EVC: variants seen among roughly 807,000 people sequenced by gnomAD.
The protein encoded by EVC is EvC ciliary complex subunit 1, also known as evC complex member EVC.
In EVC, 116 loss-of-function variants were observed where a neutral mutation model predicts 118.9. The ratio of observed to expected loss-of-function variants is 0.98; its 90% CI spans 0.84 to 1.14. The LOEUF is 1.14. Ranked by LOEUF, EVC falls within the 50% of genes most tolerant of loss-of-function variation. The probability of loss-of-function intolerance (pLI) is 0.00; values close to 1 mark genes in which losing one functional copy is unlikely to be tolerated. For missense variants in EVC, 1,401 were observed against 1,246.4 expected, an observed-to-expected ratio of 1.12 and a Z score of -1.87; for synonymous variants, 619 against 534.7, an observed-to-expected ratio of 1.16 and a Z score of -2.18.
chr4:5,825,783 C>T, the EVC span: 1 of 868,124 alleles, frequency 1.2e-6, no homozygotes, highest in Non-Finnish European at 1.8e-6. This position sits in a 1 kb window ranked among gnomAD's most constrained non-coding sequence, Gnocchi z 4.4. Context: ...CATGCACACA[C>T]ACACACAACA....
At chr4:5,768,525 A>T (rs997729983) in intron 11 of EVC, among the ~76,000 whole-genome samples, 1 of 152,080 alleles carries the variant, frequency 6.6e-6, no homozygotes, top group African/African-American at 2.4e-5. Context: ...CACGTGGGTA[A>T]AGCATATAGA....
chr4:5,751,887 C>A (rs141358906), intron 8 of EVC, among the ~76,000 whole-genome samples: 4 of 152,274 alleles, frequency 2.6e-5, no homozygotes, highest in South Asian at 2.1e-4. Context: ...GCAGCCGGGA[C>A]CAGGCAGGTG....
In EVC at chr4:5,738,694, G is replaced by A. The variant is rs181012743; in HGVS notation, c.703-3022G>A. 1.3e-3 allele frequency among the ~76,000 whole-genome samples: 190 copies of A among 151,738 alleles called. 1 individual carries two copies. Among genetic ancestry groups the A allele is most frequent in the Admixed American group, 2.5e-3 (38 of 15,242 alleles). ...TGATTCTCCCGCCTCAGCCTCCCGA[G>A]CAGCTGGGACCACAGGCGCGCACCA... On this transcript the variant is annotated intron_variant, in intron 5 of 20. Transcript: ENST00000264956. The surrounding 1 kb of genome is among the most constrained non-coding windows in gnomAD (Gnocchi z 6.5).
intron 19 of EVC, 137 bp downstream of exon 19, chr4:5,809,748 C>A: frequency 1.2e-6 from 1 of 812,666 alleles, no homozygotes; most frequent in Non-Finnish European, 2.1e-6. Flanking sequence ...GTGACCTTGT[C>A]TGTAAATGAG....
At chr4:5,799,841 T>C (rs551395711) in intron 15 of EVC, among the ~76,000 whole-genome samples, 3 of 152,222 alleles carry the variant, frequency 2.0e-5, no homozygotes, top group Non-Finnish European at 4.4e-5. Flanking sequence ...CCTCAGATTA[T>C]CCAAACAATT....
intron 2 of EVC, 91 bp from the exon 3 acceptor site, chr4:5,729,216 A>G: frequency 8.5e-7 from 1 of 1,181,630 alleles, no homozygotes; most frequent in Non-Finnish European, 1.3e-6. Context: ...GGCTGCTATT[A>G]CAAATGGGAT....
In EVC at chr4:5,741,734, A is replaced by T. The variant is rs2152000498; in HGVS notation, c.721A>T (p.Lys241Ter). ...EKHMMFIQIFKMCLLDLLPKK... is the reference protein window; with the variant it reads ...EKHMMFIQIF The stretch of plus-strand genomic sequence containing the variant: ...GCAATAGATGTTTATTCAGATTTTT[A>T]AAATGTGCCTCCTTGACCTTCTTCC... The change falls in exon 6 of 21, where the codon AAA becomes TAA. Residue 241 changes from lysine to a stop codon, truncating the protein, a stop_gained. Coordinates refer to ENST00000264956, the MANE Select transcript of EVC (RefSeq NM_153717.3). LOFTEE classifies it high-confidence loss of function. 6.4e-7 allele frequency: 1 copy of T among 1,570,138 alleles called. No individual in the cohort carries two copies. Among genetic ancestry groups the T allele is most frequent in the Non-Finnish European group, 8.8e-7 (1 of 1,141,160 alleles).
chr4:5,736,841 A>G (rs1727770874), intron 5 of EVC, among the ~76,000 whole-genome samples: 1 of 152,184 alleles, frequency 6.6e-6, no homozygotes, highest in African/African-American at 2.4e-5. Flanking sequence ...AGACACAGTA[A>G]TATTGAAATT....
At chr4:5,736,506 A>ATTTTT (rs60275784) in intron 5 of EVC, among the ~76,000 whole-genome samples, 1 of 136,182 alleles carries the variant, frequency 7.3e-6, no homozygotes. Flanking sequence ...GAGATGCTGC[A>ATTTTT]TTTTTTTTTT....
intron 20 of EVC, 90 bp from the exon 21 acceptor site, chr4:5,810,863 A>AT (rs2152396001): frequency 1.6e-6 from 2 of 1,256,458 alleles, no homozygotes; most frequent in East Asian, 2.5e-5. Context: ...CTTTGGCTGC[A>AT]TTTTCATTTA....
rs1438938519 is a variant in EVC at position 5,737,362 on chromosome 4, C to T, written c.702+3927C>T. ...GATGGAGAAGCTTCAGCAAGTTACC[C>T]AGAAGATCTAGCTAAGACCATTGAG... On this transcript the variant is annotated intron_variant, in intron 5 of 20. Transcript: ENST00000264956. This position sits in a 1 kb window ranked among gnomAD's most constrained non-coding sequence, Gnocchi z 5.0. 2.0e-5 allele frequency among the ~76,000 whole-genome samples: 3 copies of T among 152,198 alleles called. No homozygotes were observed. The highest frequency in any genetic ancestry group is 4.4e-5 in the Non-Finnish European group (3 of 68,036).
In EVC at chr4:5,756,487, G is replaced by A; in HGVS notation, c.1563+125G>A. 1.3e-6 allele frequency: 1 copy of A among 772,672 alleles called. No individual in the cohort carries two copies. Among genetic ancestry groups the A allele is most frequent in the Non-Finnish European group, 2.2e-6 (1 of 450,342 alleles). 47.9% of individuals were successfully genotyped at this position (772,672 alleles called of 1,614,324 possible). On this transcript the variant is annotated intron_variant, in intron 11 of 20. Coordinates refer to ENST00000264956, the MANE Select transcript of EVC (RefSeq NM_153717.3). This position sits in a 1 kb window ranked among gnomAD's most constrained non-coding sequence, Gnocchi z 4.2. The stretch of plus-strand genomic sequence containing the variant: ...TCCAACCCCGCACTCATTGGCCGGT[G>A]ATCCACGCAGGCTGTGTCCCCTCCA...
At chr4:5,717,419 T>C (rs539880367) in intron 1 of EVC, among the ~76,000 whole-genome samples, 1 of 152,276 alleles carries the variant, frequency 6.6e-6, no homozygotes, top group East Asian at 1.9e-4. Flanking sequence ...CATATTAGAG[T>C]CTGTCCTCAA....
At chr4:5,794,531 C>G (rs1402256403) in intron 13 of EVC, among the ~76,000 whole-genome samples, 1 of 151,266 alleles carries the variant, frequency 6.6e-6, no homozygotes, top group Non-Finnish European at 1.5e-5. Context: ...CAGCTTCAGC[C>G]TCCCGAGTAG....
rs1244751274 is a variant in EVC at position 5,748,135 on chromosome 4, G to C, written c.940-13G>C. ...TTTCACCTCACTTCTTGCTGCTTGTGCTCATTTCACAGATGGAAGCTTTCT... is the reference window on the plus strand; with the variant it reads ...TTTCACCTCACTTCTTGCTGCTTGTCCTCATTTCACAGATGGAAGCTTTCT... On this transcript the variant is annotated splice_polypyrimidine_tract_variant and intron_variant, in intron 7 of 20. Transcript: ENST00000264956. 1 of 1,614,168 alleles carries C rather than the reference G, an allele frequency of 6.2e-7. No homozygotes were observed.
Position 5,805,891 on chromosome 4 carries a change from C to CTTTTT in EVC, c.2561+1064_2561+1068dup, listed in dbSNP as rs4045512. Reference sequence around the variant, plus strand: ...CTTGAATTCAGAGGCAGTTTCTTTTCTTTTTTTTTTTTTTTTTTGAAGGAG... The same window carrying CTTTTT: ...CTTGAATTCAGAGGCAGTTTCTTTTCTTTTTTTTTTTTTTTTTTTTTTTGAAGGAG... On this transcript the variant is annotated intron_variant, in intron 17 of 20. Coordinates refer to ENST00000264956, the MANE Select transcript of EVC (RefSeq NM_153717.3). 2.2e-3 allele frequency among the ~76,000 whole-genome samples: 274 copies of CTTTTT among 123,898 alleles called. 4 individuals carry two copies. Among genetic ancestry groups the CTTTTT allele is most frequent in the African/African-American group, 6.2e-3 (207 of 33,458 alleles). 81.3% of individuals were successfully genotyped at this position (123,898 alleles called of 152,430 possible).
rs1296715356 is a variant in EVC, at chr4:5,754,327, G to A, written c.1464+394G>A. 2.0e-5 allele frequency among the ~76,000 whole-genome samples: 3 copies of A among 152,192 alleles called. No homozygotes were observed. The highest frequency in any genetic ancestry group is 4.4e-5 in the Non-Finnish European group (3 of 68,040). On this transcript the variant is annotated intron_variant, in intron 10 of 20. Transcript: ENST00000264956. The surrounding 1 kb of genome is among the most constrained non-coding windows in gnomAD (Gnocchi z 5.8). ...ACACCCAGGGACAGGGCCCTTGTGGGTCGGCTGCAAGTCCAGGAGAAGGAA... is the reference window on the plus strand; with the variant it reads ...ACACCCAGGGACAGGGCCCTTGTGGATCGGCTGCAAGTCCAGGAGAAGGAA...
chr4:5,821,506 C>T, the EVC span: 3 of 526,002 alleles, frequency 5.7e-6, no homozygotes, highest in Non-Finnish European at 6.8e-6. This position sits in a 1 kb window ranked among gnomAD's most constrained non-coding sequence, Gnocchi z 4.4. Flanking sequence ...CTGTGGTTCA[C>T]TAGGAAGGGG....
At chr4:5,714,881 A>G (rs1723689716) in intron 1 of EVC, among the ~76,000 whole-genome samples, 1 of 151,912 alleles carries the variant, frequency 6.6e-6, no homozygotes, top group African/African-American at 2.4e-5. Flanking sequence ...CACAGTTCAC[A>G]GTAGCTTTGA....
Sources: allele counts gnomAD v4.1 joint callset (sites outside exome capture counted in the v4.1 genomes callset), GRCh38; gene constraint gnomAD v4.1.1; non-coding constraint Gnocchi (gnomAD v3.1); transcripts MANE v1.5; gene names NCBI Gene and HGNC (gene_info 2026-07-23, HGNC 2026-07-21).